The following RNF24 variants were observed in gnomAD, a reference collection of about 807,000 sequenced individuals.
RNF24 encodes ring finger protein 24.
A neutral mutation model predicts 20.0 loss-of-function variants in RNF24; 14 were observed. The ratio of observed to expected loss-of-function variants is 0.70; its 90% CI spans 0.46 to 1.10. The LOEUF (loss-of-function observed/expected upper bound fraction) is 1.10, where lower values mean the gene tolerates loss of function less well. Among genes scored for constraint, RNF24 ranks in the 50% least tolerant of loss-of-function variants. The probability of loss-of-function intolerance (pLI) is 0.00; values close to 1 mark genes in which losing one functional copy is unlikely to be tolerated. For synonymous variants in RNF24, 45 were observed against 61.1 expected (o/e 0.74, Z 1.23); for missense variants, 124 against 177.6 (o/e 0.70, Z 1.71).
chr20:3,997,851 CA>C (rs1345289024), intron 1 of RNF24, among the ~76,000 whole-genome samples: 1 of 152,110 alleles, frequency 6.6e-6, no homozygotes, highest in Non-Finnish European at 1.5e-5. Flanking sequence ...TAATGGGGAC[CA>C]TCGGCAATAC....
chr20:3,973,776 C>A (rs1048839429), intron 1 of RNF24, among the ~76,000 whole-genome samples: 4 of 152,006 alleles, frequency 2.6e-5, no homozygotes, highest in Non-Finnish European at 2.9e-5. Flanking sequence ...AAAGAAAGCT[C>A]CAGGCCAAGA....
chr20:3,973,500 C>CAAAAAAAAAAAAAAAAAAAA (rs56824542), intron 1 of RNF24, among the ~76,000 whole-genome samples: 4 of 101,120 alleles, frequency 4.0e-5, no homozygotes, highest in African/African-American at 7.7e-5. Flanking sequence ...GGAAGAATGA[C>CAAAAAAAAAAAAAAAAAAAA]AAAAAAAAAA....
intron 2 of RNF24, among the ~76,000 whole-genome samples, chr20:3,957,536 A>T (rs935355645): frequency 1.3e-5 from 2 of 151,922 alleles, no homozygotes; most frequent in African/African-American, 4.8e-5. Flanking sequence ...ATGAGGCTTT[A>T]TTTGTTAATT....
At chr20:3,951,158 C>T (rs577244918) in intron 2 of RNF24, among the ~76,000 whole-genome samples, 10 of 152,240 alleles carry the variant, frequency 6.6e-5, no homozygotes, top group African/African-American at 1.9e-4. Flanking sequence ...AGGATTTCAC[C>T]GTGTTAGCCA....
At chr20:4,011,290 T>C (rs1364642469) in intron 1 of RNF24, among the ~76,000 whole-genome samples, 2 of 152,202 alleles carry the variant, frequency 1.3e-5, no homozygotes, top group African/African-American at 4.8e-5. Context: ...GAAGGTAAAA[T>C]GAAGGCATTT....
chr20:3,928,243 A>G lies in RNF24; in HGVS notation c.*5820T>C, dbSNP rs2090756582. On this transcript the variant is annotated 3_prime_UTR_variant, in exon 6 of 6. Transcript: ENST00000358395. Reference sequence around the variant, plus strand: ...GCCAGAAGAGTGGATGTGATAGAGAATTTTTTCTCAAGTTTTGGGTTAGGG... The same window carrying G: ...GCCAGAAGAGTGGATGTGATAGAGAGTTTTTTCTCAAGTTTTGGGTTAGGG... 6.6e-6 allele frequency: 1 copy of G among 152,084 alleles called. No homozygotes were observed. The highest frequency in any genetic ancestry group is 6.5e-5 in the Admixed American group (1 of 15,274). The allele number at this position is 152,084 out of a possible 1,614,324, so 9.4% of individuals were successfully genotyped here. A position where few individuals can be genotyped will look rare whatever the true frequency, so the allele number is the denominator to read the frequency against.
chr20:3,932,322 C>G lies in RNF24; in HGVS notation c.*1741G>C, dbSNP rs543933725. 1.9e-4 allele frequency: 29 copies of G among 152,328 alleles called. No homozygotes were observed. Among genetic ancestry groups the G allele is most frequent in the African/African-American group, 6.5e-4 (27 of 41,554 alleles). The allele number at this position is 152,328 out of a possible 1,614,324, so 9.4% of individuals were successfully genotyped here. Reference sequence around the variant, plus strand: ...AATAGTTTTTTTCATGGGTGCCAGACAGGCTAAGGCTTTCATATAAAAATA... The same window carrying G: ...AATAGTTTTTTTCATGGGTGCCAGAGAGGCTAAGGCTTTCATATAAAAATA... On this transcript the variant is annotated 3_prime_UTR_variant, in exon 6 of 6. Transcript: ENST00000358395.
intron 1 of RNF24, among the ~76,000 whole-genome samples, chr20:3,980,893 G>A (rs1227251122): frequency 2.0e-5 from 3 of 151,098 alleles, no homozygotes; most frequent in Admixed American, 6.6e-5. Context: ...ATTCTTACAC[G>A]GCAAAAACAG....
chr20:4,014,208 C>G (rs531285031), intron 1 of RNF24, among the ~76,000 whole-genome samples: 1 of 152,270 alleles, frequency 6.6e-6, no homozygotes, highest in South Asian at 2.1e-4. Context: ...CACATCAAAG[C>G]AAGGGCGCAT....
Position 3,934,949 on chromosome 20 carries a change from G to C in RNF24, c.308+45C>G. On this transcript the variant is annotated intron_variant, in intron 5 of 5. Transcript: ENST00000358395. This position sits in a 1 kb window ranked among gnomAD's most constrained non-coding sequence, Gnocchi z 4.0. ...AAACCCAAAAGAAGTTGGTTGATGT[G>C]CCTCAAACTCGGGTCCCATTAAGTA... 6.5e-7 allele frequency: 1 copy of C among 1,529,140 alleles called. No homozygotes were observed. The highest frequency in any genetic ancestry group is 9.1e-7 in the Non-Finnish European group (1 of 1,103,304). The allele number at this position is 1,529,140 out of a possible 1,614,324, so 94.7% of individuals were successfully genotyped here.
chr20:3,981,007 G>T lies in RNF24; in HGVS notation c.-7-16983C>A, dbSNP rs561618976. 3.9e-5 allele frequency among the ~76,000 whole-genome samples: 6 copies of T among 151,940 alleles called. No individual in the cohort carries two copies. The South Asian group carries it at 1.2e-3, about 32-fold the overall frequency. On this transcript the variant is annotated intron_variant, in intron 1 of 5. Transcript: ENST00000358395. ...GAGGGGGCGGCCCTGAATGCTTATGGGTTACAGTGTAAGTGTGCCTGGCCC... is the reference window on the plus strand; with the variant it reads ...GAGGGGGCGGCCCTGAATGCTTATGTGTTACAGTGTAAGTGTGCCTGGCCC...
chr20:4,003,063 G>A (rs1161413308), intron 1 of RNF24, among the ~76,000 whole-genome samples: 2 of 152,302 alleles, frequency 1.3e-5, no homozygotes, highest in African/African-American at 4.8e-5. Context: ...TCTGCCGCCC[G>A]GGTTCAAGTG....
intron 2 of RNF24, among the ~76,000 whole-genome samples, chr20:3,948,632 A>C (rs1022258939): frequency 6.7e-6 from 1 of 149,696 alleles, no homozygotes; most frequent in African/African-American, 2.4e-5. Context: ...ATCTTAAAAA[A>C]TGTACATACC....
intron 4 of RNF24, 65 bp from the exon 5 acceptor site, chr20:3,935,138 G>T: frequency 1.5e-6 from 2 of 1,372,842 alleles, no homozygotes; most frequent in Non-Finnish European, 2.1e-6. Flanking sequence ...ACAAAGTAGA[G>T]TGCAGGCTCC....
At chr20:4,000,797 C>T (rs1600714804) in intron 1 of RNF24, among the ~76,000 whole-genome samples, 1 of 152,156 alleles carries the variant, frequency 6.6e-6, no homozygotes, top group South Asian at 2.1e-4. Flanking sequence ...ACTACACTCA[C>T]AATAACTGGA....
chr20:4,005,001 T>C (rs1981731579), intron 1 of RNF24, among the ~76,000 whole-genome samples: 1 of 152,202 alleles, frequency 6.6e-6, no homozygotes, highest in Non-Finnish European at 1.5e-5. Context: ...GCACTTCCAT[T>C]ATCAATAGCC....
intron 1 of RNF24, among the ~76,000 whole-genome samples, chr20:3,973,129 G>T (rs1270942888): frequency 1.3e-5 from 2 of 151,986 alleles, no homozygotes; most frequent in African/African-American, 4.8e-5. Flanking sequence ...ACTGAACCCG[G>T]GAGGTGGAGG....
intron 1 of RNF24, among the ~76,000 whole-genome samples, chr20:4,003,236 TG>T (rs1981563176): frequency 1.3e-5 from 2 of 152,248 alleles, no homozygotes; most frequent in Admixed American, 1.3e-4. Flanking sequence ...ACCAAAGTGC[TG>T]GGATTACAGG....
At chr20:4,012,392 A>G (rs1055423285) in intron 1 of RNF24, among the ~76,000 whole-genome samples, 4 of 151,170 alleles carry the variant, frequency 2.6e-5, no homozygotes, top group Admixed American at 2.6e-4. Context: ...ACTCCAGCCT[A>G]GGGGACAGGG....
Sources: gnomAD v4.1 joint callset for allele counts (sites outside exome capture counted in the v4.1 genomes callset) on GRCh38, gnomAD v4.1.1 for gene constraint, Gnocchi (gnomAD v3.1) non-coding constraint, MANE v1.5 for transcripts, NCBI Gene and HGNC (gene_info 2026-07-23, HGNC 2026-07-21) for gene names.